FNDC3A: variants seen among roughly 807,000 people sequenced by gnomAD.
FNDC3A encodes the protein fibronectin type III domain containing 3A.
FNDC3A carries 32 observed loss-of-function variants against 148.9 expected under a neutral mutation model. That is an observed-to-expected ratio of 0.21 (90% CI 0.16 to 0.29). FNDC3A has a LOEUF of 0.29. Ranked by LOEUF, FNDC3A falls within the 10% of genes least tolerant of loss-of-function variation. The pLI is 1.00. For synonymous variants in FNDC3A, 472 were observed against 473.6 expected (o/e 1.00, Z 0.04); for missense variants, 1,191 against 1,452.8 (o/e 0.82, Z 2.93).
At chr13:49,167,579 G>A (rs1884543021) in intron 9 of FNDC3A, among the ~76,000 whole-genome samples, 1 of 152,046 alleles carries the variant, frequency 6.6e-6, no homozygotes, top group African/African-American at 2.4e-5. Context: ...GGTGGTGCAG[G>A]CCTGTGGTAT....
At chr13:49,206,446 T>G (rs1321644215) in intron 25 of FNDC3A, among the ~76,000 whole-genome samples, 2 of 152,158 alleles carry the variant, frequency 1.3e-5, no homozygotes, top group Non-Finnish European at 2.9e-5. Context: ...AAAAAAAAAT[T>G]TGCAACCTCT....
chr13:49,122,285 CAATAA>C (rs777199850), intron 4 of FNDC3A, among the ~76,000 whole-genome samples: 7 of 151,660 alleles, frequency 4.6e-5, no homozygotes, highest in Non-Finnish European at 8.8e-5. Flanking sequence ...AAAAGGCCTT[CAATAA>C]AATTGAAGGC....
chr13:49,158,241 C>A (rs756993894), intron 8 of FNDC3A, among the ~76,000 whole-genome samples: 1 of 152,118 alleles, frequency 6.6e-6, no homozygotes, highest in African/African-American at 2.4e-5. Context: ...TTTTTTAAGC[C>A]GGTCGGAGAA....
Position 49,196,915 on chromosome 13 carries a change from C to T in FNDC3A, c.2265C>T (p.Ala755=), listed in dbSNP as rs1462325522. ...PFSEKCDITT[A]PGPPDQCKPP... is the part of the protein sequence containing the mutation. ...CAGAAAAATGTGATATTACTACAGC[C>T]CCTGGGCCACCAGATCAGTGCAAGC... Residue 755 remains alanine, a synonymous_variant, in exon 20 of 26, where the codon GCC becomes GCT. Coordinates refer to ENST00000492622, the MANE Select transcript of FNDC3A (RefSeq NM_001079673.2). 3 of 1,610,606 alleles carry T rather than the reference C, an allele frequency of 1.9e-6. No homozygotes were observed. Among genetic ancestry groups the T allele is most frequent in the Non-Finnish European group, 2.5e-6 (3 of 1,178,892 alleles).
At chr13:49,138,862 TCATC>T in intron 7 of FNDC3A, 57 bp downstream of exon 7, 3 of 926,602 alleles carry the variant, frequency 3.2e-6, no homozygotes, top group Non-Finnish European at 3.3e-6. Context: ...CATAAGATGT[TCATC>T]CATCAAAATG....
chr13:49,107,572 A>G (rs1215557810), intron 3 of FNDC3A, among the ~76,000 whole-genome samples: 1 of 152,104 alleles, frequency 6.6e-6, no homozygotes, highest in East Asian at 1.9e-4. Flanking sequence ...TGAAGGAACA[A>G]TGCTTCTTCT....
chr13:49,113,938 G>C (rs1336611257), intron 3 of FNDC3A, among the ~76,000 whole-genome samples: 2 of 152,088 alleles, frequency 1.3e-5, no homozygotes, highest in Admixed American at 1.3e-4. Flanking sequence ...AAAGTTAATT[G>C]GAAAACCTAA....
chr13:48,997,369 A>G (rs1952042554), intron 1 of FNDC3A, among the ~76,000 whole-genome samples: 1 of 152,232 alleles, frequency 6.6e-6, no homozygotes, highest in South Asian at 2.1e-4. Context: ...TAAGGAAACA[A>G]GAACAGATTC....
At chr13:49,086,502 T>C (rs948614477) in intron 3 of FNDC3A, among the ~76,000 whole-genome samples, 2 of 152,208 alleles carry the variant, frequency 1.3e-5, no homozygotes, top group African/African-American at 4.8e-5. Context: ...GAGATTGATA[T>C]TATAAGAATT....
chr13:49,139,136 T>C (rs574973334), intron 7 of FNDC3A, among the ~76,000 whole-genome samples: 2 of 152,210 alleles, frequency 1.3e-5, no homozygotes, highest in South Asian at 2.1e-4. Context: ...TATGATGAGA[T>C]TAATAGGAGA....
intron 5 of FNDC3A, among the ~76,000 whole-genome samples, chr13:49,133,328 C>G (rs1459211917): frequency 6.6e-6 from 1 of 152,076 alleles, no homozygotes; most frequent in Non-Finnish European, 1.5e-5. Context: ...TCTGAGAAAA[C>G]TATAAGAAAA....
In FNDC3A at chr13:49,040,000, C is replaced by T. The variant is rs565448713; in HGVS notation, c.99+33711C>T. ...AAGTACTGGGATTACAGGCGTGAGC[C>T]ACCGTGCTGGCCCTGTTATTTTTTA... On this transcript the variant is annotated intron_variant, in intron 2 of 25. Coordinates refer to ENST00000492622, the MANE Select transcript of FNDC3A (RefSeq NM_001079673.2). Among the ~76,000 whole-genome samples, 22 of 152,310 alleles carry T rather than the reference C, an allele frequency of 1.4e-4. No homozygotes were observed. In the South Asian group the frequency reaches 4.4e-3, roughly 30 times the overall value.
intron 3 of FNDC3A, among the ~76,000 whole-genome samples, chr13:49,080,383 T>G (rs999811632): frequency 6.6e-6 from 1 of 152,144 alleles, no homozygotes; most frequent in African/African-American, 2.4e-5. Context: ...CCATACCTCA[T>G]TTTTTCCCCC....
intron 3 of FNDC3A, among the ~76,000 whole-genome samples, chr13:49,106,792 A>AC (rs1419890059): frequency 6.6e-6 from 1 of 150,842 alleles, no homozygotes; most frequent in East Asian, 1.9e-4. Flanking sequence ...AAAAAAAAAA[A>AC]ACCAACAACA....
intron 17 of FNDC3A, among the ~76,000 whole-genome samples, chr13:49,190,615 G>GC (rs1375645861): frequency 6.6e-6 from 1 of 152,092 alleles, no homozygotes; most frequent in Non-Finnish European, 1.5e-5. Context: ...AATACAAACA[G>GC]CATATACAGT....
At chr13:49,079,245 A>G (rs1295693937) in intron 3 of FNDC3A, among the ~76,000 whole-genome samples, 3 of 152,196 alleles carry the variant, frequency 2.0e-5, no homozygotes, top group Non-Finnish European at 4.4e-5. Flanking sequence ...CTAAGTATCT[A>G]CTGAGGTATA....
intron 1 of FNDC3A, among the ~76,000 whole-genome samples, chr13:48,989,584 T>A (rs1464918066): frequency 4.6e-5 from 7 of 151,980 alleles, no homozygotes; most frequent in African/African-American, 1.7e-4. Flanking sequence ...CTATCCAAAA[T>A]GAAGCACAGA....
chr13:49,034,804 A>G (rs959177209), intron 2 of FNDC3A, among the ~76,000 whole-genome samples: 2 of 152,014 alleles, frequency 1.3e-5, no homozygotes, highest in Admixed American at 6.5e-5. Context: ...TTATTGCTCA[A>G]ATATAAGCCA....
chr13:48,997,167 G>A (rs1205676126), intron 1 of FNDC3A, among the ~76,000 whole-genome samples: 2 of 151,946 alleles, frequency 1.3e-5, no homozygotes, highest in Admixed American at 1.3e-4. Context: ...ATGTAATCCT[G>A]CTTTGCATTT....
Sources: allele counts gnomAD v4.1 joint callset (sites outside exome capture counted in the v4.1 genomes callset), GRCh38; gene constraint gnomAD v4.1.1; transcripts MANE v1.5; gene names NCBI Gene and HGNC (gene_info 2026-07-23, HGNC 2026-07-21).